Variants in SEC31B observed in about 807,000 individuals in gnomAD.
SEC31B encodes the protein protein transport protein Sec31B.
Under a neutral mutation model 135.0 loss-of-function variants are expected in SEC31B, and 113 were observed. The ratio of observed to expected loss-of-function variants is 0.84; its 90% CI spans 0.72 to 0.98. SEC31B has a LOEUF of 0.98. Ranked by LOEUF, SEC31B falls within the 50% of genes least tolerant of loss-of-function variation. The pLI, the probability that SEC31B is intolerant of heterozygous loss-of-function variation, is 0.00. For missense variants in SEC31B, 1,296 were observed against 1,421.1 expected, an observed-to-expected ratio of 0.91 and a Z score of 1.42; for synonymous variants, 508 against 549.4, an observed-to-expected ratio of 0.92 and a Z score of 1.05.
chr10:100,499,629 C>T (rs1851479053), intron 11 of SEC31B, 31 bp from the exon 12 acceptor site: 1 of 1,494,464 alleles, frequency 6.7e-7, no homozygotes, highest in Non-Finnish European at 9.2e-7. Context: ...GAAAAGATTC[C>T]ATTAAATGAA....
chr10:100,499,683 G>A (rs1227133628), intron 11 of SEC31B, 85 bp from the exon 12 acceptor site: 13 of 960,970 alleles, frequency 1.4e-5, no homozygotes, highest in East Asian at 2.4e-5. Flanking sequence ...ATCTGTGCCA[G>A]TATACCCAAT....
intron 18 of SEC31B, 142 bp from the exon 19 acceptor site, chr10:100,495,688 T>A: frequency 2.0e-6 from 2 of 992,562 alleles, no homozygotes; most frequent in Non-Finnish European, 3.0e-6. Context: ...TGTTCTGTTT[T>A]GTTTTGTTTT....
intron 14 of SEC31B, 134 bp downstream of exon 14, chr10:100,498,571 C>T (rs984317379): frequency 1.4e-5 from 9 of 658,006 alleles, no homozygotes; most frequent in Admixed American, 1.1e-4. Flanking sequence ...AACTGGTAAG[C>T]GACTCACTCA....
rs1851252151 is a variant in SEC31B, at chr10:100,489,269, C to T, written c.3154G>A (p.Gly1052Arg). 1 of 1,607,946 alleles carries T rather than the reference C, an allele frequency of 6.2e-7. No individual in the cohort carries two copies. The highest frequency in any genetic ancestry group is 1.1e-5 in the South Asian group (1 of 89,902). Residue 1052 changes from glycine (G) to arginine (R), a missense_variant, in exon 23 of 26, where the codon GGA becomes AGA. Physicochemically the swap from Gly to Arg is moderately radical, Grantham distance 125. Transcript: ENST00000370345. ...SVSHAPPGVP[G>R]ELSLQLQHLP... Reference sequence around the variant, plus strand: ...CTTGTCACCTGCAGGCTGAGTTCTCCTGGAACTCCTGGGGGAGCATGACTC... The same window carrying T: ...CTTGTCACCTGCAGGCTGAGTTCTCTTGGAACTCCTGGGGGAGCATGACTC...
intron 5 of SEC31B, 23 bp from the exon 6 acceptor site, chr10:100,508,074 A>T: frequency 2.5e-6 from 4 of 1,613,634 alleles, no homozygotes; most frequent in Non-Finnish European, 3.4e-6. Flanking sequence ...GGGGACAGAA[A>T]GATGACAACT....
intron 3 of SEC31B, among the ~76,000 whole-genome samples, chr10:100,513,023 C>T (rs1007222187): frequency 6.6e-6 from 1 of 152,174 alleles, no homozygotes; most frequent in African/African-American, 2.4e-5. Flanking sequence ...AAGCAAAGGA[C>T]GAGTGTCCCT....
chr10:100,515,632 G>A (rs1480371773), intron 3 of SEC31B, among the ~76,000 whole-genome samples: 1 of 152,148 alleles, frequency 6.6e-6, no homozygotes, highest in African/African-American at 2.4e-5. Context: ...GTATACATGT[G>A]CTCAATGAAT....
intron 9 of SEC31B, chr10:100,505,799 G>T: frequency 7.0e-7 from 1 of 1,429,794 alleles, no homozygotes; most frequent in African/African-American, 1.4e-5. Flanking sequence ...GGGGTCCCAC[G>T]GTCCCTGAAA....
At position 100,497,601 on chromosome 10, in the gene SEC31B, G is replaced by C. The variant is rs1165995813; in HGVS notation, c.1990+66C>G. 23 of 1,611,266 alleles carry C rather than the reference G, an allele frequency of 1.4e-5. No individual in the cohort carries two copies. The South Asian group carries it at 2.5e-4, about 18-fold the overall frequency. The stretch of plus-strand genomic sequence containing the variant: ...CAGTCTGCTCCTCCACCTCCCTCCT[G>C]CATGCATCCTTTGACTCCATGCTGG... On this transcript the variant is annotated intron_variant, in intron 16 of 25. Coordinates refer to ENST00000370345, the MANE Select transcript of SEC31B (RefSeq NM_015490.4).
chr10:100,513,467 T>C (rs1851770478), intron 3 of SEC31B, among the ~76,000 whole-genome samples: 1 of 152,070 alleles, frequency 6.6e-6, no homozygotes, highest in Non-Finnish European at 1.5e-5. Context: ...AGAAGTTTCT[T>C]CTTCTTTTTC....
At chr10:100,507,800 T>C (rs1414541887) in intron 6 of SEC31B, 108 bp downstream of exon 6, 6 of 1,487,458 alleles carry the variant, frequency 4.0e-6, no homozygotes, top group Admixed American at 1.7e-5. Flanking sequence ...TGACTCCACA[T>C]GTCCGACAGC....
rs1312379711 is a variant in SEC31B at position 100,490,139 on chromosome 10, A to C, written c.2834T>G (p.Leu945Arg). 1 of 1,595,754 alleles carries C rather than the reference A, an allele frequency of 6.3e-7. No individual in the cohort carries two copies. Residue 945 changes from leucine to arginine, a missense_variant, in exon 21 of 26, where the codon CTA becomes CGA. Physicochemically the swap from Leu to Arg is moderately radical, Grantham distance 102. Transcript: ENST00000370345. ...RLFPLLPLRPLGPGRMVSHTP... is the reference protein window; with the variant it reads ...RLFPLLPLRPRGPGRMVSHTP... ...GTGGGAGACCATGCGGCCGGGACCT[A>C]GTGGTCTCAGAGGAAGCAGAGGGAA...
chr10:100,510,463 C>T (rs963699028), intron 3 of SEC31B, among the ~76,000 whole-genome samples: 6 of 152,200 alleles, frequency 3.9e-5, no homozygotes, highest in Non-Finnish European at 7.3e-5. Context: ...TCCCTGGATC[C>T]CTTCTAGACA....
chr10:100,512,384 C>T (rs1027241612), intron 3 of SEC31B, among the ~76,000 whole-genome samples: 1 of 152,196 alleles, frequency 6.6e-6, no homozygotes, highest in Non-Finnish European at 1.5e-5. Context: ...CTCCCAGAAA[C>T]CTTTCTTTTT....
rs1257995233 is a variant in SEC31B, at chr10:100,487,080, C to T, written c.*536G>A. 1.9e-5 allele frequency: 3 copies of T among 157,106 alleles called. No individual in the cohort carries two copies. The highest frequency in any genetic ancestry group is 7.2e-5 in the African/African-American group (3 of 41,444). 9.7% of individuals were successfully genotyped at this position (157,106 alleles called of 1,614,324 possible). A position where few individuals can be genotyped will look rare whatever the true frequency, so the allele number is the denominator to read the frequency against. On this transcript the variant is annotated 3_prime_UTR_variant, in exon 26 of 26. Transcript: ENST00000370345. Reference sequence around the variant, plus strand: ...CTCTTGGTTCTGCTCAGCACCCATCCCTCACGTCCATGAGTTGTTCAAAGG... The same window carrying T: ...CTCTTGGTTCTGCTCAGCACCCATCTCTCACGTCCATGAGTTGTTCAAAGG...
intron 10 of SEC31B, among the ~76,000 whole-genome samples, chr10:100,502,870 T>C (rs1026443016): frequency 1.3e-5 from 2 of 152,160 alleles, no homozygotes; most frequent in African/African-American, 4.8e-5. Flanking sequence ...GTCCCCTCCA[T>C]CCCATTCCCA....
Position 100,498,122 on chromosome 10 carries a change from A to G in SEC31B, c.1770T>C (p.Ala590=), listed in dbSNP as rs1246269739. The part of the protein sequence containing the change: ...VELCLKEERF[A]DAIILAQAGG... ...CAGCCTGGGCCAGGATAATGGCATC[A>G]GCAAAGCGCTCCTCCTTCAGACACA... Residue 590 remains alanine, a synonymous_variant, in exon 15 of 26, where the codon GCT becomes GCC. Transcript: ENST00000370345. The G allele has an allele frequency of 1.9e-6, 3 of 1,614,078 alleles. No individual in the cohort carries two copies. The highest frequency in any genetic ancestry group is 2.7e-5 in the African/African-American group (2 of 74,920).
chr10:100,494,792 C>T (rs954711171), intron 19 of SEC31B: 3 of 155,572 alleles, frequency 1.9e-5, no homozygotes, highest in African/African-American at 7.2e-5. Flanking sequence ...TTGCCATACC[C>T]CAATCATGGT....
intron 12 of SEC31B, 61 bp downstream of exon 12, chr10:100,499,463 C>G: frequency 1.4e-6 from 2 of 1,401,748 alleles, no homozygotes; most frequent in Non-Finnish European, 2.0e-6. Flanking sequence ...GTGGTTTACT[C>G]TGGCAACATT....
Sources: allele counts gnomAD v4.1 joint callset (sites outside exome capture counted in the v4.1 genomes callset), GRCh38; gene constraint gnomAD v4.1.1; transcripts MANE v1.5; gene names NCBI Gene and HGNC (gene_info 2026-07-23, HGNC 2026-07-21).